Variants in ERI3 observed in about 807,000 individuals in gnomAD.
ERI3 encodes ERI1 exoribonuclease family member 3, also known as ERI1 exoribonuclease 3.
A neutral mutation model predicts 44.4 loss-of-function variants in ERI3; 18 were observed. The observed-to-expected ratio is 0.41, with a 90% confidence interval of 0.28 to 0.60. ERI3 has a LOEUF of 0.60. Ranked by LOEUF, ERI3 falls within the 20% of genes least tolerant of loss-of-function variation. ERI3 has a pLI of 0.36. For synonymous variants in ERI3, 183 were observed against 164.8 expected (o/e 1.11, Z -0.84); for missense variants, 294 against 435.5 (o/e 0.68, Z 2.89).
chr1:44,348,408 C>A (rs1442846260), intron 2 of ERI3, among the ~76,000 whole-genome samples: 1 of 152,192 alleles, frequency 6.6e-6, no homozygotes, highest in African/African-American at 2.4e-5. Context: ...ATTGCAAGGA[C>A]ACAGAGGGTC....
chr1:44,312,698 A>G (rs1645998815), intron 5 of ERI3, among the ~76,000 whole-genome samples: 2 of 152,264 alleles, frequency 1.3e-5, no homozygotes, highest in Non-Finnish European at 2.9e-5. Context: ...GCCCAGCCAC[A>G]GCTCCTGGAG....
intron 2 of ERI3, among the ~76,000 whole-genome samples, chr1:44,350,553 T>C (rs1394690667): frequency 6.6e-6 from 1 of 152,200 alleles, no homozygotes; most frequent in African/African-American, 2.4e-5. Flanking sequence ...TGAGCCACCG[T>C]GCCCAGCTCT....
At chr1:44,222,282 G>A (rs771732169) in intron 8 of ERI3, among the ~76,000 whole-genome samples, 4 of 152,188 alleles carry the variant, frequency 2.6e-5, no homozygotes, top group South Asian at 2.1e-4. Context: ...GTGGAGCTCC[G>A]ACAGGATGGG....
At chr1:44,342,810 C>CCA (rs1226629347) in intron 2 of ERI3, among the ~76,000 whole-genome samples, 16 of 42,854 alleles carry the variant, frequency 3.7e-4, no homozygotes, top group African/African-American at 1.4e-3. Context: ...CCACATCCAG[C>CCA]TAATATATAT....
intron 3 of ERI3, 30 bp from the exon 4 acceptor site, chr1:44,319,774 A>G: frequency 6.7e-7 from 1 of 1,491,406 alleles, no homozygotes; most frequent in Non-Finnish European, 9.4e-7. Context: ...GAAAAGGAAA[A>G]ATAAGTTATT....
chr1:44,354,980 C>T lies in ERI3; in HGVS notation c.47G>A (p.Trp16Ter). The T allele has an allele frequency of 1.5e-6, 2 of 1,368,894 alleles. No homozygotes were observed. The highest frequency in any genetic ancestry group is 9.5e-7 in the Non-Finnish European group (1 of 1,055,820). 84.8% of individuals were successfully genotyped at this position (1,368,894 alleles called of 1,614,324 possible). The change falls in exon 1 of 9, where the codon TGG becomes TAG. Residue 16 changes from tryptophan (W) to a stop codon, truncating the protein, a stop_gained. Transcript: ENST00000372257. LOFTEE classifies it high-confidence loss of function. Reference protein sequence around the residue: ...PAADGGRGRPWEGGLVSWPPA... With the variant: ...PAADGGRGRP ...GGGCCAGGAGACCAGCCCTCCTTCC[C>T]AGGGCCGCCCCCGCCCCCCGTCAGC...
Position 44,319,754 on chromosome 1 carries a change from CA to C in ERI3, c.490-11del. On this transcript the variant is annotated splice_polypyrimidine_tract_variant and intron_variant, in intron 3 of 8. Coordinates refer to ENST00000372257, the MANE Select transcript of ERI3 (RefSeq NM_024066.3). ...GGAACTCGATGATTTCCTGGAGTGC[CA>C]AAGATACAGAAAAGGAAAAATAAGT... 6.3e-7 allele frequency: 1 copy of C among 1,581,206 alleles called. No homozygotes were observed. The highest frequency in any genetic ancestry group is 8.7e-7 in the Non-Finnish European group (1 of 1,150,840).
intron 8 of ERI3, among the ~76,000 whole-genome samples, chr1:44,237,790 T>A (rs756539704): frequency 2.2e-4 from 34 of 152,202 alleles, no homozygotes; most frequent in Non-Finnish European, 7.4e-5. Flanking sequence ...AGGCTCCCTG[T>A]ACATCATGGT....
chr1:44,347,794 T>C (rs936054753), intron 2 of ERI3, among the ~76,000 whole-genome samples: 10 of 151,880 alleles, frequency 6.6e-5, no homozygotes, highest in Non-Finnish European at 1.3e-4. Flanking sequence ...AAAAAGCATA[T>C]TTGACATAAT....
At chr1:44,331,971 G>A (rs778896855) in intron 3 of ERI3, among the ~76,000 whole-genome samples, 8 of 152,178 alleles carry the variant, frequency 5.3e-5, no homozygotes, top group Non-Finnish European at 8.8e-5. Context: ...ACAGCCTAAT[G>A]GTTGTTACAC....
chr1:44,333,397 T>C (rs1418454736), intron 3 of ERI3, among the ~76,000 whole-genome samples: 2 of 152,166 alleles, frequency 1.3e-5, no homozygotes, highest in Non-Finnish European at 2.9e-5. Flanking sequence ...AATCCAAGGA[T>C]TAGGCTCTCC....
At chr1:44,321,534 C>T (rs1468057293) in intron 3 of ERI3, among the ~76,000 whole-genome samples, 1 of 152,008 alleles carries the variant, frequency 6.6e-6, no homozygotes, top group Non-Finnish European at 1.5e-5. Flanking sequence ...GAACACACAC[C>T]AAAAAAATAC....
chr1:44,274,604 C>T (rs1229610161), intron 7 of ERI3, among the ~76,000 whole-genome samples: 2 of 152,200 alleles, frequency 1.3e-5, no homozygotes, highest in Non-Finnish European at 1.5e-5. Flanking sequence ...AGTACTTTCC[C>T]TCCTCTATCT....
At chr1:44,317,385 C>T (rs745473959) in intron 4 of ERI3, among the ~76,000 whole-genome samples, 4 of 152,066 alleles carry the variant, frequency 2.6e-5, no homozygotes, top group Non-Finnish European at 4.4e-5. Context: ...CTCGGAGATA[C>T]AATTCCATCT....
At chr1:44,280,776 A>G (rs987784202) in intron 7 of ERI3, among the ~76,000 whole-genome samples, 1 of 152,204 alleles carries the variant, frequency 6.6e-6, no homozygotes, top group African/African-American at 2.4e-5. Context: ...ACCCTTTAAC[A>G]GCTTCCTCTT....
rs372090718 is a variant in ERI3, at chr1:44,339,340, TAAA to T, written c.212-21_212-19del. 608 of 972,166 alleles carry T rather than the reference TAAA, an allele frequency of 6.3e-4. No individual in the cohort carries two copies. Among genetic ancestry groups the T allele is most frequent in the South Asian group, 8.6e-4 (24 of 27,992 alleles). The allele number at this position is 972,166 out of a possible 1,614,324, so 60.2% of individuals were successfully genotyped here. On this transcript the variant is annotated intron_variant, in intron 2 of 8. Coordinates refer to ENST00000372257, the MANE Select transcript of ERI3 (RefSeq NM_024066.3). ...ATCTAAAACTTAGGGGAGGAAAGTTTAAAAAAAAAAAAAAAAAAGAAAAGAAAG... is the reference window on the plus strand; with the variant it reads ...ATCTAAAACTTAGGGGAGGAAAGTTTAAAAAAAAAAAAAAAGAAAAGAAAG...
At chr1:44,222,863 T>C (rs987093213) in intron 8 of ERI3, among the ~76,000 whole-genome samples, 1 of 152,120 alleles carries the variant, frequency 6.6e-6, no homozygotes, top group African/African-American at 2.4e-5. Flanking sequence ...TGGGGGGGTA[T>C]TAAGGTCAAG....
chr1:44,322,847 G>C (rs1184588434), intron 3 of ERI3: 2 of 1,548,120 alleles, frequency 1.3e-6, no homozygotes, highest in Non-Finnish European at 1.7e-6. Flanking sequence ...TGCAGCCAGG[G>C]CACCTGAAGC....
At chr1:44,290,718 G>A (rs1645488828) in intron 6 of ERI3, among the ~76,000 whole-genome samples, 1 of 152,144 alleles carries the variant, frequency 6.6e-6, no homozygotes, top group African/African-American at 2.4e-5. Flanking sequence ...GAGATAAACA[G>A]ACCCTGGGTG....
Sources: allele counts gnomAD v4.1 joint callset (sites outside exome capture counted in the v4.1 genomes callset), GRCh38; gene constraint gnomAD v4.1.1; transcripts MANE v1.5; gene names NCBI Gene and HGNC (gene_info 2026-07-23, HGNC 2026-07-21).